Variants in ADGRG6 observed in about 807,000 individuals in gnomAD.
ADGRG6 encodes the protein G-protein coupled receptor 126.
A neutral mutation model predicts 142.4 loss-of-function variants in ADGRG6; 84 were observed. That is an observed-to-expected ratio of 0.59 (90% CI 0.49 to 0.71). ADGRG6 has a LOEUF of 0.71. Ranked by LOEUF, ADGRG6 falls within the 30% of genes least tolerant of loss-of-function variation. The pLI is 0.00. For synonymous variants in ADGRG6, 521 were observed against 520.5 expected (o/e 1.00, Z -0.01); for missense variants, 1,367 against 1,466.6 (o/e 0.93, Z 1.11).
rs150123954 is a variant in ADGRG6, at chr6:142,398,847, G to C, written c.1567+1092G>C. ...GAAGACCATAGTACTTAGAAGACTA[G>C]ATATATTTATGTTCACATATATATA... On this transcript the variant is annotated intron_variant, in intron 10 of 24. Coordinates refer to ENST00000367609, the MANE Select transcript of ADGRG6 (RefSeq NM_198569.3). Among the ~76,000 whole-genome samples the C allele has an allele frequency of 4.8e-4, 73 of 152,104 alleles. No individual in the cohort carries two copies. The East Asian group carries it at 0.014, about 28-fold the overall frequency.
chr6:142,376,910 G>T (rs567341872), intron 4 of ADGRG6, among the ~76,000 whole-genome samples: 2 of 152,316 alleles, frequency 1.3e-5, no homozygotes, highest in East Asian at 3.9e-4. Flanking sequence ...GTATCATTAA[G>T]TAGGTATGAG....
intron 4 of ADGRG6, among the ~76,000 whole-genome samples, chr6:142,372,789 G>A (rs959948524): frequency 6.6e-6 from 1 of 152,102 alleles, no homozygotes; most frequent in Non-Finnish European, 1.5e-5. Flanking sequence ...GAGAGGGAAT[G>A]GTGCACTTCC....
At chr6:142,427,998 T>C (rs1018364128) in intron 22 of ADGRG6, among the ~76,000 whole-genome samples, 1 of 152,178 alleles carries the variant, frequency 6.6e-6, no homozygotes, top group Non-Finnish European at 1.5e-5. Context: ...AGCCAAACCA[T>C]ATCAGGACAT....
chr6:142,364,962 A>C (rs1442816373), intron 2 of ADGRG6, among the ~76,000 whole-genome samples: 2 of 152,202 alleles, frequency 1.3e-5, no homozygotes, highest in African/African-American at 4.8e-5. Flanking sequence ...GAAGTCATGC[A>C]CATAACTTGG....
intron 2 of ADGRG6, among the ~76,000 whole-genome samples, chr6:142,340,181 T>C (rs796108425): frequency 2.8e-4 from 42 of 152,270 alleles, no homozygotes; most frequent in African/African-American, 9.6e-4. Context: ...GGAGTTACTT[T>C]AACAAGTGTT....
Position 142,419,847 on chromosome 6 carries a change from TTTATGTGA to T in ADGRG6, c.3063_3070del (p.Tyr1022LeufsTer48). The stretch of plus-strand genomic sequence containing the variant: ...TGTTGGATTCAAGATCCAGTCATAT[TTTATGTGA>T]CCTGTGCTGGGTATTTTGGAGTCAT... On this transcript the variant is annotated frameshift_variant, in exon 22 of 25. Transcript: ENST00000367609. LOFTEE classifies it high-confidence loss of function. 1 of 1,610,908 alleles carries T rather than the reference TTTATGTGA, an allele frequency of 6.2e-7. No homozygotes were observed. The highest frequency in any genetic ancestry group is 8.5e-7 in the Non-Finnish European group (1 of 1,178,124).
In ADGRG6 at chr6:142,344,468, G is replaced by A. The variant is rs1276115009; in HGVS notation, c.104-23101G>A. ...TCTAGCCTTAAAGATTGTACAACTT[G>A]GCATTTCCTTACAAACACATTTTAA... On this transcript the variant is annotated intron_variant, in intron 2 of 24. Coordinates refer to ENST00000367609, the MANE Select transcript of ADGRG6 (RefSeq NM_198569.3). 2.0e-5 allele frequency among the ~76,000 whole-genome samples: 3 copies of A among 151,870 alleles called. No individual in the cohort carries two copies. In the East Asian group the frequency reaches 5.8e-4, roughly 29 times the overall value.
At chr6:142,412,885 T>C (rs1419193660) in intron 18 of ADGRG6, among the ~76,000 whole-genome samples, 1 of 152,184 alleles carries the variant, frequency 6.6e-6, no homozygotes, top group African/African-American at 2.4e-5. Flanking sequence ...TAACAAAATT[T>C]ACTCTTCAGA....
At chr6:142,382,966 T>G (rs566319115) in intron 5 of ADGRG6, among the ~76,000 whole-genome samples, 1 of 152,114 alleles carries the variant, frequency 6.6e-6, no homozygotes, top group East Asian at 1.9e-4. Flanking sequence ...GATATTATTA[T>G]TAATCAATAC....
intron 2 of ADGRG6, among the ~76,000 whole-genome samples, chr6:142,314,237 C>A (rs1257350694): frequency 2.6e-5 from 4 of 152,168 alleles, no homozygotes; most frequent in African/African-American, 9.7e-5. Context: ...AAGCCAATTA[C>A]ATAAACGTAG....
chr6:142,324,287 AG>A (rs1286567968), intron 2 of ADGRG6, among the ~76,000 whole-genome samples: 1 of 152,086 alleles, frequency 6.6e-6, no homozygotes, highest in Non-Finnish European at 1.5e-5. Context: ...TAAAGCTCTT[AG>A]GAGAGCTTTC....
intron 22 of ADGRG6, among the ~76,000 whole-genome samples, chr6:142,432,220 G>T (rs1183615744): frequency 1.3e-5 from 2 of 152,110 alleles, no homozygotes; most frequent in African/African-American, 4.8e-5. Flanking sequence ...CACTGTTACA[G>T]ATCCAGATGC....
chr6:142,425,701 G>A (rs757729172), intron 22 of ADGRG6, among the ~76,000 whole-genome samples: 1 of 152,102 alleles, frequency 6.6e-6, no homozygotes, highest in Non-Finnish European at 1.5e-5. Context: ...ATCAGGGCAT[G>A]TATTAGTTCA....
At chr6:142,305,005 CAG>C (rs1777413689) in intron 1 of ADGRG6, among the ~76,000 whole-genome samples, 1 of 151,832 alleles carries the variant, frequency 6.6e-6, no homozygotes, top group Non-Finnish European at 1.5e-5. Context: ...TTATTTAAAA[CAG>C]AGCAAATATG....
At chr6:142,348,944 C>T (rs1780032103) in intron 2 of ADGRG6, among the ~76,000 whole-genome samples, 1 of 152,074 alleles carries the variant, frequency 6.6e-6, no homozygotes, top group Admixed American at 6.6e-5. Context: ...GGAATACTAG[C>T]ACAGTTGGGC....
intron 1 of ADGRG6, among the ~76,000 whole-genome samples, chr6:142,309,032 A>G (rs1397375630): frequency 6.6e-6 from 1 of 151,758 alleles, no homozygotes; most frequent in African/African-American, 2.4e-5. Context: ...TTAATGCTTC[A>G]ATGTATCACT....
At chr6:142,380,429 G>T (rs987493121) in intron 4 of ADGRG6, among the ~76,000 whole-genome samples, 11 of 152,044 alleles carry the variant, frequency 7.2e-5, no homozygotes, top group African/African-American at 2.7e-4. Context: ...CTAGTGTGTG[G>T]GATTAACCAC....
chr6:142,437,311 T>A, intron 22 of ADGRG6, 123 bp from the exon 23 acceptor site: 3 of 562,650 alleles, frequency 5.3e-6, no homozygotes, highest in Non-Finnish European at 9.5e-6. Flanking sequence ...TTCCTTAAGA[T>A]CTTTGTTTCT....
At chr6:142,390,022 G>A (rs1216509079) in intron 6 of ADGRG6, among the ~76,000 whole-genome samples, 1 of 151,754 alleles carries the variant, frequency 6.6e-6, no homozygotes, top group East Asian at 1.9e-4. Context: ...ATAAGAGTAA[G>A]CTAATTGATA....
Sources: allele counts gnomAD v4.1 joint callset (sites outside exome capture counted in the v4.1 genomes callset), GRCh38; gene constraint gnomAD v4.1.1; transcripts MANE v1.5; gene names NCBI Gene and HGNC (gene_info 2026-07-23, HGNC 2026-07-21).